Variants in DESI2 observed in about 807,000 individuals in gnomAD.
The protein encoded by DESI2 is deubiquitinase DESI2.
A neutral mutation model predicts 24.1 loss-of-function variants in DESI2; 10 were observed. The ratio of observed to expected loss-of-function variants is 0.41; its 90% CI spans 0.26 to 0.70. The LOEUF (loss-of-function observed/expected upper bound fraction) is 0.70. Ranked by LOEUF, DESI2 falls within the 30% of genes least tolerant of loss-of-function variation. The pLI, the probability that DESI2 is intolerant of heterozygous loss-of-function variation, is 0.29. For synonymous variants in DESI2, 71 were observed against 87.7 expected (o/e 0.81, Z 1.06); for missense variants, 122 against 234.9 (o/e 0.52, Z 3.14).
chr1:244,694,808 T>C, intron 4 of DESI2: 1 of 536,346 alleles, frequency 1.9e-6, no homozygotes, highest in Non-Finnish European at 3.3e-6. Flanking sequence ...CCTTGACTGC[T>C]TTCCGGCTGC....
chr1:244,686,638 T>G lies in DESI2; in HGVS notation c.84T>G (p.Val28=), dbSNP rs747749818. 8 of 1,609,340 alleles carry G rather than the reference T, an allele frequency of 5.0e-6. No individual in the cohort carries two copies. In the East Asian group the frequency reaches 1.8e-4, roughly 36 times the overall value. ...NEYTSSIGIG[V]FHSGIEVYGR... ...ATACCTCATCCATTGGAATTGGAGT[T>G]TTTCATTCAGGAATTGAAGTCTATG... is the stretch of plus-strand genomic sequence containing the variant. Residue 28 remains valine (V), a synonymous_variant, in exon 2 of 5, where the codon GTT becomes GTG. Coordinates refer to ENST00000302550, the MANE Select transcript of DESI2 (RefSeq NM_016076.5).
chr1:244,704,497 A>G (rs1209388032), intron 4 of DESI2, among the ~76,000 whole-genome samples: 1 of 152,146 alleles, frequency 6.6e-6, no homozygotes, highest in Non-Finnish European at 1.5e-5. Context: ...GAAGTGGGCA[A>G]CTATAGAAGC....
chr1:244,681,491 G>T (rs1218177745), intron 1 of DESI2, among the ~76,000 whole-genome samples: 1 of 152,084 alleles, frequency 6.6e-6, no homozygotes, highest in Non-Finnish European at 1.5e-5. Flanking sequence ...ATGGACCTGG[G>T]GCGGGGGAGG....
intron 1 of DESI2, among the ~76,000 whole-genome samples, chr1:244,676,824 A>G (rs1262196072): frequency 6.1e-5 from 9 of 147,410 alleles, no homozygotes; most frequent in African/African-American, 2.2e-4. Flanking sequence ...TTATATATAT[A>G]TATCATGAAA....
At chr1:244,683,472 C>T (rs996407666) in intron 1 of DESI2, among the ~76,000 whole-genome samples, 19 of 151,770 alleles carry the variant, frequency 1.3e-4, no homozygotes, top group African/African-American at 2.4e-4. Flanking sequence ...CCATCACACC[C>T]GGCTAATTTT....
At chr1:244,704,990 C>G (rs1677637108) in intron 4 of DESI2, among the ~76,000 whole-genome samples, 1 of 152,076 alleles carries the variant, frequency 6.6e-6, no homozygotes, top group African/African-American at 2.4e-5. Context: ...CTCTTATCAC[C>G]CAGGCTGTTT....
chr1:244,666,276 A>G (rs1373244750), intron 1 of DESI2, among the ~76,000 whole-genome samples: 1 of 152,208 alleles, frequency 6.6e-6, no homozygotes, highest in African/African-American at 2.4e-5. Context: ...ATATGGAATG[A>G]ATTGTCCATG....
In DESI2 at chr1:244,692,187, TA is replaced by T. The variant is rs542124551; in HGVS notation, c.351+169del. ...GTATGAATGACCTTTCCAGAGTTGG[TA>T]ACTTGAGAGTCCGCAGTTTTAAATG... On this transcript the variant is annotated intron_variant, in intron 4 of 4. Coordinates refer to ENST00000302550, the MANE Select transcript of DESI2 (RefSeq NM_016076.5). Among the ~76,000 whole-genome samples, 426 of 152,330 alleles carry T rather than the reference TA, an allele frequency of 2.8e-3. 2 individuals are homozygous for T. Among genetic ancestry groups the T allele is most frequent in the South Asian group, 4.1e-3 (20 of 4,832 alleles).
intron 1 of DESI2, among the ~76,000 whole-genome samples, chr1:244,670,633 G>A (rs572376680): frequency 1.4e-4 from 8 of 57,730 alleles, no homozygotes; most frequent in African/African-American, 4.1e-4. Flanking sequence ...AAGTAAGGAC[G>A]TCAAGGGACA....
intron 1 of DESI2, among the ~76,000 whole-genome samples, chr1:244,658,902 T>C (rs1461677567): frequency 6.6e-6 from 1 of 152,202 alleles, no homozygotes; most frequent in Non-Finnish European, 1.5e-5. Context: ...GAAATGTTTT[T>C]AATAAGTTTA....
intron 4 of DESI2, among the ~76,000 whole-genome samples, chr1:244,696,031 A>G (rs1023319988): frequency 6.6e-6 from 1 of 152,096 alleles, no homozygotes; most frequent in Non-Finnish European, 1.5e-5. Context: ...CAGCCTCCCA[A>G]AATCCTGGGA....
intron 1 of DESI2, among the ~76,000 whole-genome samples, chr1:244,671,718 T>C (rs911701465): frequency 6.6e-6 from 1 of 152,264 alleles, no homozygotes; most frequent in Non-Finnish European, 1.5e-5. Flanking sequence ...GTTCACCAGC[T>C]TGTTTTGTTT....
In DESI2 at chr1:244,682,868, A is replaced by C. The variant is rs575607474; in HGVS notation, c.43-3729A>C. 3.4e-5 allele frequency among the ~76,000 whole-genome samples: 5 copies of C among 145,852 alleles called. No individual in the cohort carries two copies. In the East Asian group the frequency reaches 6.1e-4, roughly 18 times the overall value. On this transcript the variant is annotated intron_variant, in intron 1 of 4. Transcript: ENST00000302550. ...TAGTGTGTTGTCAAAAAAAAAAAAAAAACTCAGTGATATTTGTTAAAGCAC... is the reference window on the plus strand; with the variant it reads ...TAGTGTGTTGTCAAAAAAAAAAAAACAACTCAGTGATATTTGTTAAAGCAC...
At chr1:244,662,268 A>T (rs1675875293) in intron 1 of DESI2, among the ~76,000 whole-genome samples, 1 of 152,080 alleles carries the variant, frequency 6.6e-6, no homozygotes, top group Non-Finnish European at 1.5e-5. Flanking sequence ...TTTTTTTCTA[A>T]ATCAAGCTAA....
rs567257706 is a variant in DESI2 at position 244,702,457 on chromosome 1, C to T, written c.352-3099C>T. Among the ~76,000 whole-genome samples the T allele has an allele frequency of 3.6e-4, 55 of 152,228 alleles. 1 individual carries two copies. In the South Asian group the frequency reaches 9.3e-3, roughly 26 times the overall value. On this transcript the variant is annotated intron_variant, in intron 4 of 4. Transcript: ENST00000302550. ...TGAACCTGGCAGGTGGAGATTGCAG[C>T]GAGCCCAGATTGTGCCACTGCACTC...
Position 244,656,103 on chromosome 1 carries a change from C to G in DESI2, c.42+2748C>G, listed in dbSNP as rs1245680939. Among the ~76,000 whole-genome samples the G allele has an allele frequency of 4.6e-5, 7 of 152,138 alleles. No homozygotes were observed. In the East Asian group the frequency reaches 1.3e-3, roughly 29 times the overall value. On this transcript the variant is annotated intron_variant, in intron 1 of 4. Coordinates refer to ENST00000302550, the MANE Select transcript of DESI2 (RefSeq NM_016076.5). ...TAATTCTTCCTATTCATCAGAGATGCTTTGGATGAGGGTTGCTGTTGTCTG... is the reference window on the plus strand; with the variant it reads ...TAATTCTTCCTATTCATCAGAGATGGTTTGGATGAGGGTTGCTGTTGTCTG...
In DESI2 at chr1:244,689,408, A is replaced by C; in HGVS notation, c.209+66A>C. The C allele has an allele frequency of 1.4e-6, 1 of 734,460 alleles. No individual in the cohort carries two copies. The highest frequency in any genetic ancestry group is 1.8e-5 in the South Asian group (1 of 55,910). The allele number at this position is 734,460 out of a possible 1,614,324, so 45.5% of individuals were successfully genotyped here. On this transcript the variant is annotated intron_variant, in intron 3 of 4. Transcript: ENST00000302550. The surrounding 1 kb of genome is among the most constrained non-coding windows in gnomAD (Gnocchi z 4.0). ...CCATAGCTTGTTTTCAGGTATACAG[A>C]ATTCATTCTGTAAATCAAAACAAAC...
intron 1 of DESI2, among the ~76,000 whole-genome samples, chr1:244,682,142 A>G (rs1676637497): frequency 6.6e-6 from 1 of 152,210 alleles, no homozygotes; most frequent in African/African-American, 2.4e-5. Flanking sequence ...GAGCAAAAGA[A>G]CAAAGCTTCC....
intron 1 of DESI2, among the ~76,000 whole-genome samples, chr1:244,673,440 G>A (rs1385699305): frequency 6.6e-6 from 1 of 152,232 alleles, no homozygotes; most frequent in Non-Finnish European, 1.5e-5. Context: ...TACATATTTA[G>A]AATTGTTTTC....
Sources: gnomAD v4.1 joint callset for allele counts (sites outside exome capture counted in the v4.1 genomes callset) on GRCh38, gnomAD v4.1.1 for gene constraint, Gnocchi (gnomAD v3.1) non-coding constraint, MANE v1.5 for transcripts, NCBI Gene and HGNC (gene_info 2026-07-23, HGNC 2026-07-21) for gene names.